FERMT2: variants seen among roughly 807,000 people sequenced by gnomAD.
FERMT2 encodes FERM domain containing kindlin 2, also known as fermitin family homolog 2.
A neutral mutation model predicts 82.7 loss-of-function variants in FERMT2; 15 were observed. The ratio of observed to expected loss-of-function variants is 0.18; its 90% CI spans 0.12 to 0.28. FERMT2 has a LOEUF of 0.28. Ranked by LOEUF, FERMT2 falls within the 10% of genes least tolerant of loss-of-function variation. The pLI, the probability that FERMT2 is intolerant of heterozygous loss-of-function variation, is 1.00. For missense variants in FERMT2, 645 were observed against 809.4 expected (o/e 0.80, Z 2.46); for synonymous variants, 274 against 271.5 (o/e 1.01, Z -0.09).
At chr14:52,884,621 AC>A (rs1005784098) in intron 4 of FERMT2, among the ~76,000 whole-genome samples, 10 of 151,372 alleles carry the variant, frequency 6.6e-5, no homozygotes, top group African/African-American at 2.4e-4. Flanking sequence ...AAACAAAAAA[AC>A]CCCAGCCAGT....
rs1303612821 is a variant in FERMT2, at chr14:52,950,527, C to A, written c.42G>T (p.Ala14=). 6.2e-7 allele frequency: 1 copy of A among 1,614,156 alleles called. No homozygotes were observed. Among genetic ancestry groups the A allele is most frequent in the East Asian group, 2.2e-5 (1 of 44,868 alleles). The change falls in exon 2 of 15, where the codon GCG becomes GCT. Residue 14 remains alanine, a synonymous_variant. Transcript: ENST00000341590. ...DGIRMPDGCY[A]DGTWELSVHV... ...GGACACTCAGTTCCCACGTCCCGTCCGCGTAGCAGCCATCTGGCATCCTTA... is the reference window on the plus strand; with the variant it reads ...GGACACTCAGTTCCCACGTCCCGTCAGCGTAGCAGCCATCTGGCATCCTTA...
rs1421992864 is a variant in FERMT2, at chr14:52,901,267, C to T, written c.392-7840G>A. On this transcript the variant is annotated intron_variant, in intron 3 of 14. Coordinates refer to ENST00000341590, the MANE Select transcript of FERMT2 (RefSeq NM_006832.3). ...CTGCACTCCAGCCTAGGCGACAGAG[C>T]GAGACTCTGTCTCAAAAAAAAAAAA... is the stretch of plus-strand genomic sequence containing the variant. 5.6e-5 allele frequency among the ~76,000 whole-genome samples: 6 copies of T among 107,344 alleles called. No homozygotes were observed. In the South Asian group the frequency reaches 1.5e-3, roughly 27 times the overall value. 70.4% of individuals were successfully genotyped at this position (107,344 alleles called of 152,430 possible).
chr14:52,936,667 G>A lies in FERMT2; in HGVS notation c.157+13745C>T, dbSNP rs141689169. Among the ~76,000 whole-genome samples the A allele has an allele frequency of 2.7e-3, 408 of 152,144 alleles. 3 individuals are homozygous for A. The highest frequency in any genetic ancestry group is 9.3e-3 in the African/African-American group (385 of 41,502). The stretch of plus-strand genomic sequence containing the variant: ...CATCCTCTTCCCAGCCTGTTGTTCT[G>A]TCATCCTATCCCTTACCCACATCTC... On this transcript the variant is annotated intron_variant, in intron 2 of 14. Transcript: ENST00000341590.
At chr14:52,899,135 T>C (rs1196543274) in intron 3 of FERMT2, among the ~76,000 whole-genome samples, 1 of 152,180 alleles carries the variant, frequency 6.6e-6, no homozygotes, top group African/African-American at 2.4e-5. Flanking sequence ...AGTTCTTAAC[T>C]AGATGGGCCC....
At chr14:52,937,219 C>A (rs1198233260) in intron 2 of FERMT2, among the ~76,000 whole-genome samples, 1 of 152,002 alleles carries the variant, frequency 6.6e-6, no homozygotes, top group Non-Finnish European at 1.5e-5. Flanking sequence ...CTTACGACTG[C>A]AAATAGAGTG....
intron 2 of FERMT2, among the ~76,000 whole-genome samples, chr14:52,924,423 A>ATT (rs34023694): frequency 4.0e-5 from 6 of 151,776 alleles, no homozygotes; most frequent in East Asian, 1.9e-4. Context: ...AGCTGTCTGT[A>ATT]TTTTTTTTAT....
chr14:52,950,883 G>A (rs1890607413), intron 1 of FERMT2, 38 bp downstream of exon 1: 1 of 210,688 alleles, frequency 4.7e-6, no homozygotes, highest in Non-Finnish European at 9.3e-6. Context: ...CCTCCCCGCC[G>A]CGCCCCCTCG....
intron 2 of FERMT2, among the ~76,000 whole-genome samples, chr14:52,939,648 G>A (rs1185321877): frequency 2.6e-5 from 4 of 152,154 alleles, no homozygotes; most frequent in Non-Finnish European, 5.9e-5. Context: ...AGGTCACACA[G>A]CCCAAGGTCA....
chr14:52,860,907 C>T (rs1390148979), intron 12 of FERMT2: 7 of 806,738 alleles, frequency 8.7e-6, no homozygotes, highest in Non-Finnish European at 1.4e-5. Flanking sequence ...ATAATCATTT[C>T]TATTTTAAAT....
At chr14:52,867,877 C>T (rs936008787) in intron 10 of FERMT2, among the ~76,000 whole-genome samples, 1 of 152,150 alleles carries the variant, frequency 6.6e-6, no homozygotes, top group Non-Finnish European at 1.5e-5. Context: ...GTCACCCAGA[C>T]TATTGACCAA....
intron 3 of FERMT2, among the ~76,000 whole-genome samples, chr14:52,893,899 G>C (rs1887105444): frequency 6.6e-6 from 1 of 151,320 alleles, no homozygotes; most frequent in Non-Finnish European, 1.5e-5. Flanking sequence ...AGCAATCTCG[G>C]CTCGCCACAA....
chr14:52,874,963 G>A (rs912184986), intron 8 of FERMT2, among the ~76,000 whole-genome samples: 2 of 152,142 alleles, frequency 1.3e-5, no homozygotes, highest in Non-Finnish European at 2.9e-5. Context: ...GCTGAGGTAG[G>A]AAATGGCTTG....
intron 3 of FERMT2, among the ~76,000 whole-genome samples, chr14:52,909,148 A>G (rs1312603221): frequency 6.6e-6 from 1 of 152,154 alleles, no homozygotes; most frequent in Non-Finnish European, 1.5e-5. Flanking sequence ...AAAGAGAGAG[A>G]GGTGCCTCCT....
intron 2 of FERMT2, among the ~76,000 whole-genome samples, chr14:52,949,432 C>A (rs1890511929): frequency 6.7e-6 from 1 of 148,160 alleles, no homozygotes; most frequent in South Asian, 2.2e-4. Context: ...AGTCCCCAAC[C>A]CCCCTTCACC....
At chr14:52,860,916 A>G in intron 12 of FERMT2, 1 of 860,744 alleles carries the variant, frequency 1.2e-6, no homozygotes, top group Middle Eastern at 2.2e-4. Flanking sequence ...TCTATTTTAA[A>G]TTTAAATTTC....
intron 3 of FERMT2, among the ~76,000 whole-genome samples, chr14:52,893,877 G>A (rs2139549500): frequency 6.6e-6 from 1 of 151,236 alleles, no homozygotes; most frequent in Non-Finnish European, 1.5e-5. Context: ...TACCCAGGCT[G>A]GAGTGCAATT....
Position 52,946,194 on chromosome 14 carries a change from A to G in FERMT2, c.157+4218T>C, listed in dbSNP as rs563950875. On this transcript the variant is annotated intron_variant, in intron 2 of 14. Transcript: ENST00000341590. ...CCAGCCAAGGATTTAATACTTCTCAATGACCTCCAGAGGAATCCCATAAAA... is the reference window on the plus strand; with the variant it reads ...CCAGCCAAGGATTTAATACTTCTCAGTGACCTCCAGAGGAATCCCATAAAA... Among the ~76,000 whole-genome samples, 9 of 152,280 alleles carry G rather than the reference A, an allele frequency of 5.9e-5. No homozygotes were observed. In the East Asian group the frequency reaches 1.5e-3, roughly 26 times the overall value.
intron 2 of FERMT2, among the ~76,000 whole-genome samples, chr14:52,935,960 A>G (rs1307710551): frequency 6.6e-6 from 1 of 152,260 alleles, no homozygotes; most frequent in Non-Finnish European, 1.5e-5. Context: ...CAGAATGCAT[A>G]AACAGAAAGT....
At chr14:52,934,698 C>A (rs1261421655) in intron 2 of FERMT2, among the ~76,000 whole-genome samples, 1 of 152,196 alleles carries the variant, frequency 6.6e-6, no homozygotes, top group Non-Finnish European at 1.5e-5. Flanking sequence ...GTGAAAGCAT[C>A]CACATTTCCA....
Sources: gnomAD v4.1 joint callset for allele counts (sites outside exome capture counted in the v4.1 genomes callset) on GRCh38, gnomAD v4.1.1 for gene constraint, MANE v1.5 for transcripts, NCBI Gene and HGNC (gene_info 2026-07-23, HGNC 2026-07-21) for gene names.